DPYSL2: variants seen among roughly 807,000 people sequenced by gnomAD.
DPYSL2 encodes the protein dihydropyrimidinase like 2.
DPYSL2 carries 13 observed loss-of-function variants against 69.9 expected under a neutral mutation model. The ratio of observed to expected loss-of-function variants is 0.19; its 90% CI spans 0.12 to 0.30. The LOEUF (loss-of-function observed/expected upper bound fraction) is 0.30, where lower values mean the gene tolerates loss of function less well. Ranked by LOEUF, DPYSL2 falls within the 10% of genes least tolerant of loss-of-function variation. The probability of loss-of-function intolerance (pLI) is 1.00; values close to 1 mark genes in which losing one functional copy is unlikely to be tolerated. For missense variants in DPYSL2, 587 were observed against 918.9 expected, an observed-to-expected ratio of 0.64 and a Z score of 4.67; for synonymous variants, 326 against 359.1, an observed-to-expected ratio of 0.91 and a Z score of 1.04.
intron 7 of DPYSL2, among the ~76,000 whole-genome samples, chr8:26,633,570 C>T (rs1384958036): frequency 1.3e-5 from 2 of 152,258 alleles, no homozygotes; most frequent in East Asian, 1.9e-4. Flanking sequence ...TGGGTTCCAG[C>T]GATTCTCCTG....
At chr8:26,589,071 C>G (rs926094275) in intron 3 of DPYSL2, among the ~76,000 whole-genome samples, 1 of 151,986 alleles carries the variant, frequency 6.6e-6, no homozygotes, top group Non-Finnish European at 1.5e-5. Flanking sequence ...TCCTCTGAAG[C>G]CTTCAGTGAC....
At chr8:26,596,810 A>G (rs1429222183) in intron 3 of DPYSL2, among the ~76,000 whole-genome samples, 2 of 152,188 alleles carry the variant, frequency 1.3e-5, no homozygotes, top group Non-Finnish European at 2.9e-5. Flanking sequence ...CATATCCTAG[A>G]ATGCGAGAGG....
rs759831842 is a variant in DPYSL2 at position 26,619,313 on chromosome 8, A to G, written c.629-4830A>G. Among the ~76,000 whole-genome samples, 2 of 152,176 alleles carry G rather than the reference A, an allele frequency of 1.3e-5. No individual in the cohort carries two copies. The highest frequency in any genetic ancestry group is 4.8e-5 in the African/African-American group (2 of 41,442). ...AAACTGTGGGAAAACATTTGGAGGC[A>G]TTTCATGGACACGTTTCTGAGTGTT... On this transcript the variant is annotated intron_variant, in intron 3 of 13. Transcript: ENST00000521913. This position sits in a 1 kb window ranked among gnomAD's most constrained non-coding sequence, Gnocchi z 4.8.
chr8:26,556,125 A>AC (rs1563384789), intron 1 of DPYSL2, among the ~76,000 whole-genome samples: 269 of 9,642 alleles, frequency 0.028, 61 homozygotes, highest in African/African-American at 0.063. Context: ...TACTATATAT[A>AC]TTATATATAC....
chr8:26,525,754 A>G (rs1158392638), intron 1 of DPYSL2, among the ~76,000 whole-genome samples: 2 of 152,152 alleles, frequency 1.3e-5, no homozygotes, highest in African/African-American at 4.8e-5. Flanking sequence ...CGGTGGTTCA[A>G]TACTGCTTTA....
chr8:26,530,125 A>AAG (rs1371800607), intron 1 of DPYSL2, among the ~76,000 whole-genome samples: 1 of 151,308 alleles, frequency 6.6e-6, no homozygotes, highest in African/African-American at 2.4e-5. Context: ...AAAAAAAAAA[A>AAG]AAAAAAAAAA....
chr8:26,566,799 A>G (rs1801157332), intron 1 of DPYSL2, among the ~76,000 whole-genome samples: 1 of 152,174 alleles, frequency 6.6e-6, no homozygotes, highest in Non-Finnish European at 1.5e-5. Context: ...GCTGTATTTT[A>G]TAATGGGGAC....
At chr8:26,578,361 T>C in intron 1 of DPYSL2, 3 of 1,601,406 alleles carry the variant, frequency 1.9e-6, no homozygotes, top group Non-Finnish European at 2.6e-6. Context: ...GTCTAAGGAA[T>C]TTTTAAAAAG....
chr8:26,637,951 G>C (rs1802956751), intron 8 of DPYSL2: 2 of 152,256 alleles, frequency 1.3e-5, no homozygotes, highest in Non-Finnish European at 2.9e-5. Context: ...GGAAAGCAGA[G>C]TAAAGATGCC....
rs17322051 is a variant in DPYSL2, at chr8:26,624,458, G to A, written c.793+151G>A. 0.13 allele frequency: 127,280 copies of A among 945,866 alleles called. 9,846 individuals are homozygous for A. The highest frequency in any genetic ancestry group is 0.18 in the Middle Eastern group (508 of 2,900). The allele number at this position is 945,866 out of a possible 1,614,324, so 58.6% of individuals were successfully genotyped here. On this transcript the variant is annotated intron_variant, in intron 4 of 13. Transcript: ENST00000521913. This position sits in a 1 kb window ranked among gnomAD's most constrained non-coding sequence, Gnocchi z 4.7. ...TGGGAAGGAGAGAGGGCTTTGGGCC[G>A]CAGCTTATGCTGTTTGGAGGTGGCC... is the stretch of plus-strand genomic sequence containing the variant.
chr8:26,567,772 T>G (rs1356751388), intron 1 of DPYSL2, among the ~76,000 whole-genome samples: 2 of 152,182 alleles, frequency 1.3e-5, no homozygotes, highest in African/African-American at 4.8e-5. Flanking sequence ...GCACAGGGAA[T>G]GCGAAGATGG....
intron 1 of DPYSL2, among the ~76,000 whole-genome samples, chr8:26,575,021 C>G (rs1280168384): frequency 6.6e-6 from 1 of 152,236 alleles, no homozygotes; most frequent in African/African-American, 2.4e-5. Flanking sequence ...GCAACCTCCG[C>G]CTCCCGGATT....
At position 26,516,930 on chromosome 8, in the gene DPYSL2, A is replaced by G. The variant is rs1808299131; in HGVS notation, c.354+2251A>G. 6.6e-6 allele frequency among the ~76,000 whole-genome samples: 1 copy of G among 152,210 alleles called. No individual in the cohort carries two copies. On this transcript the variant is annotated intron_variant, in intron 1 of 13. Transcript: ENST00000521913. This position sits in a 1 kb window ranked among gnomAD's most constrained non-coding sequence, Gnocchi z 4.8. ...GGCTATACATGTGTTTATATTTATA[A>G]CAATGTGACTTCCGAAAAGCTCAAC...
chr8:26,570,741 G>GAAAAAAA (rs572040580), intron 1 of DPYSL2, among the ~76,000 whole-genome samples: 71 of 108,146 alleles, frequency 6.6e-4, no homozygotes, highest in Non-Finnish European at 9.6e-4. Context: ...CTTAGAAAAG[G>GAAAAAAA]AAAAAAAAAA....
chr8:26,636,125 C>G (rs1338437107), intron 8 of DPYSL2, among the ~76,000 whole-genome samples: 4 of 152,228 alleles, frequency 2.6e-5, no homozygotes, highest in Non-Finnish European at 5.9e-5. Flanking sequence ...TGCTGCCTTT[C>G]TGTCTTCTCC....
At chr8:26,577,967 C>T (rs777838460) in intron 1 of DPYSL2, 11 of 1,292,024 alleles carry the variant, frequency 8.5e-6, no homozygotes, top group Non-Finnish European at 1.1e-5. Flanking sequence ...TATTTCCACC[C>T]CCTTCCCTCC....
chr8:26,643,903 A>G lies in DPYSL2; in HGVS notation c.1284-47A>G, dbSNP rs757499207. ...GCCCACCAAATAGGTGTAGGCGCAC[A>G]GCATCTTGACGAAGCTGCAGCACCA... On this transcript the variant is annotated intron_variant, in intron 9 of 13. Transcript: ENST00000521913. The surrounding 1 kb of genome is among the most constrained non-coding windows in gnomAD (Gnocchi z 6.5). 11 of 1,592,778 alleles carry G rather than the reference A, an allele frequency of 6.9e-6. No individual in the cohort carries two copies. Among genetic ancestry groups the G allele is most frequent in the Non-Finnish European group, 9.4e-6 (11 of 1,167,682 alleles).
intron 7 of DPYSL2, 94 bp from the exon 8 acceptor site, chr8:26,634,686 C>T (rs1802860371): frequency 6.3e-7 from 1 of 1,597,328 alleles, no homozygotes; most frequent in Non-Finnish European, 8.5e-7. Flanking sequence ...AGCAGCCTCG[C>T]CTTCATCTTA....
chr8:26,554,882 C>A (rs1800920921), intron 1 of DPYSL2, among the ~76,000 whole-genome samples: 1 of 152,096 alleles, frequency 6.6e-6, no homozygotes, highest in Non-Finnish European at 1.5e-5. Flanking sequence ...AAAATATTAA[C>A]AAATAAAATG....
Sources: allele counts gnomAD v4.1 joint callset (sites outside exome capture counted in the v4.1 genomes callset), GRCh38; gene constraint gnomAD v4.1.1; non-coding constraint Gnocchi (gnomAD v3.1); transcripts MANE v1.5; gene names NCBI Gene and HGNC (gene_info 2026-07-23, HGNC 2026-07-21).